The following MRPS27 variants were observed in gnomAD, a reference collection of about 807,000 sequenced individuals.
MRPS27 encodes the protein mitochondrial ribosomal protein S27.
MRPS27 carries 43 observed loss-of-function variants against 48.9 expected under a neutral mutation model. That is an observed-to-expected ratio of 0.88 (90% CI 0.69 to 1.13). The LOEUF (loss-of-function observed/expected upper bound fraction) is 1.13, where lower values mean the gene tolerates loss of function less well. MRPS27 is among the 50% of genes most tolerant of loss of function. The pLI is 0.00. For missense variants in MRPS27, 467 were observed against 476.3 expected (o/e 0.98, Z 0.18); for synonymous variants, 188 against 171.9 (o/e 1.09, Z -0.73).
intron 4 of MRPS27, among the ~76,000 whole-genome samples, chr5:72,267,548 C>T (rs930990924): frequency 2.0e-5 from 3 of 152,138 alleles, no homozygotes; most frequent in African/African-American, 4.8e-5. Flanking sequence ...TTTTAAATGG[C>T]ATTAATTTGC....
At chr5:72,255,038 T>C (rs868036324) in intron 4 of MRPS27, among the ~76,000 whole-genome samples, 1,780 of 133,014 alleles carry the variant, frequency 0.013, 41 homozygotes, top group African/African-American at 0.047. Flanking sequence ...TCTTTTTTTT[T>C]TTTTTTTTTT....
At chr5:72,313,835 GAAGA>G (rs1731004473) in intron 2 of MRPS27, among the ~76,000 whole-genome samples, 1 of 152,172 alleles carries the variant, frequency 6.6e-6, no homozygotes, top group South Asian at 2.1e-4. Flanking sequence ...ACAAAAAACA[GAAGA>G]AAGGAACTGT....
rs76536186 is a variant in MRPS27, at chr5:72,233,440, T to C, written c.475+679A>G. On this transcript the variant is annotated intron_variant, in intron 6 of 10. Coordinates refer to ENST00000261413, the MANE Select transcript of MRPS27 (RefSeq NM_015084.3). Reference sequence around the variant, plus strand: ...TGGCTTAAAATATAGTGCCTGTTCATATCACAAGCACAACAAATGTTTTTT... The same window carrying C: ...TGGCTTAAAATATAGTGCCTGTTCACATCACAAGCACAACAAATGTTTTTT... Among the ~76,000 whole-genome samples, 567 of 152,296 alleles carry C rather than the reference T, an allele frequency of 3.7e-3. 1 individual carries two copies. The highest frequency in any genetic ancestry group is 0.013 in the African/African-American group (551 of 41,570).
At chr5:72,233,981 A>G (rs1748130418) in intron 6 of MRPS27, 138 bp downstream of exon 6, 1 of 918,056 alleles carries the variant, frequency 1.1e-6, no homozygotes, top group Non-Finnish European at 1.5e-6. Context: ...ATAAAAGATA[A>G]TCATCAAAAC....
intron 4 of MRPS27, among the ~76,000 whole-genome samples, chr5:72,248,659 C>G (rs34698768): frequency 0.043 from 5,347 of 124,986 alleles, 172 homozygotes; most frequent in Non-Finnish European, 0.063. Flanking sequence ...CCACCCCCAC[C>G]ATTTTCATTT....
chr5:72,238,276 G>T, intron 4 of MRPS27, 148 bp from the exon 5 acceptor site: 1 of 594,122 alleles, frequency 1.7e-6, no homozygotes. Flanking sequence ...ACTTGAGAAT[G>T]AAACTTATTA....
chr5:72,221,328 G>T (rs993012787), intron 10 of MRPS27, among the ~76,000 whole-genome samples, 180 bp from the exon 11 acceptor site: 2 of 152,134 alleles, frequency 1.3e-5, no homozygotes, highest in Non-Finnish European at 2.9e-5. Flanking sequence ...CACACATTTT[G>T]CTGGTAGAAA....
chr5:72,308,971 C>T (rs1001517173), intron 2 of MRPS27, among the ~76,000 whole-genome samples: 1 of 152,150 alleles, frequency 6.6e-6, no homozygotes, highest in East Asian at 1.9e-4. Flanking sequence ...GCACAGAAAC[C>T]GAGTGTGACA....
chr5:72,295,509 C>A, intron 4 of MRPS27, 22 bp downstream of exon 4: 2 of 1,583,060 alleles, frequency 1.3e-6, no homozygotes, highest in Non-Finnish European at 1.7e-6. Flanking sequence ...GAGTACATAG[C>A]CAAATCAAAT....
intron 10 of MRPS27, among the ~76,000 whole-genome samples, chr5:72,221,968 TTACGGGGC>T (rs2111927171): frequency 6.6e-6 from 1 of 152,270 alleles, no homozygotes; most frequent in South Asian, 2.1e-4. Flanking sequence ...AGAGGGCCAC[TTACGGGGC>T]CAGCTGTAGC....
At chr5:72,248,011 CCAAA>C (rs1236032454) in intron 4 of MRPS27, among the ~76,000 whole-genome samples, 7 of 152,092 alleles carry the variant, frequency 4.6e-5, no homozygotes, top group South Asian at 2.1e-4. Context: ...TTACCACTCA[CCAAA>C]CAAACAAAAA....
chr5:72,295,848 A>T (rs1005267409), intron 3 of MRPS27, among the ~76,000 whole-genome samples: 5 of 152,232 alleles, frequency 3.3e-5, no homozygotes, highest in Non-Finnish European at 5.9e-5. Flanking sequence ...TTGAAAGCCA[A>T]ACATGAACCT....
At chr5:72,305,375 G>A (rs1297446820) in intron 2 of MRPS27, among the ~76,000 whole-genome samples, 1 of 152,114 alleles carries the variant, frequency 6.6e-6, no homozygotes, top group African/African-American at 2.4e-5. Context: ...AAATATTCAT[G>A]CAAAAAGCCA....
intron 4 of MRPS27, among the ~76,000 whole-genome samples, chr5:72,273,234 A>G (rs2112020723): frequency 6.6e-6 from 1 of 152,288 alleles, no homozygotes; most frequent in East Asian, 1.9e-4. Context: ...GCCAAAGTGG[A>G]CCATCACTCA....
At chr5:72,283,564 T>C (rs769387254) in intron 4 of MRPS27, among the ~76,000 whole-genome samples, 1 of 152,194 alleles carries the variant, frequency 6.6e-6, no homozygotes, top group African/African-American at 2.4e-5. Context: ...AGAGGTCATC[T>C]GGTCTAAAAT....
At position 72,237,564 on chromosome 5, in the gene MRPS27, T is replaced by C. The variant is rs370018720; in HGVS notation, c.396+450A>G. Among the ~76,000 whole-genome samples, 59 of 152,314 alleles carry C rather than the reference T, an allele frequency of 3.9e-4. 1 individual carries two copies. The East Asian group carries it at 8.3e-3, about 21-fold the overall frequency. ...TTTGTATTTACTGCATACAGTGGAATGTAAGTAAGACTCAACTCTTGGGTG... is the reference window on the plus strand; with the variant it reads ...TTTGTATTTACTGCATACAGTGGAACGTAAGTAAGACTCAACTCTTGGGTG... On this transcript the variant is annotated intron_variant, in intron 5 of 10. Coordinates refer to ENST00000261413, the MANE Select transcript of MRPS27 (RefSeq NM_015084.3).
chr5:72,234,727 T>C (rs1748156687), intron 5 of MRPS27, among the ~76,000 whole-genome samples: 1 of 152,128 alleles, frequency 6.6e-6, no homozygotes, highest in African/African-American at 2.4e-5. Flanking sequence ...TCTTAAAATG[T>C]GGACCCTTTA....
chr5:72,249,663 C>T (rs1397455642), intron 4 of MRPS27, among the ~76,000 whole-genome samples: 13 of 150,974 alleles, frequency 8.6e-5, no homozygotes, highest in East Asian at 3.9e-4. Context: ...CCAGCCTGGG[C>T]GACAGAGCAA....
chr5:72,296,833 A>G (rs1561359445), intron 3 of MRPS27, among the ~76,000 whole-genome samples: 1 of 152,218 alleles, frequency 6.6e-6, no homozygotes, highest in South Asian at 2.1e-4. Context: ...AAGTTTTCAC[A>G]GCTAAAATCT....
Sources: gnomAD v4.1 joint callset for allele counts (sites outside exome capture counted in the v4.1 genomes callset) on GRCh38, gnomAD v4.1.1 for gene constraint, MANE v1.5 for transcripts, NCBI Gene and HGNC (gene_info 2026-07-23, HGNC 2026-07-21) for gene names.